The following HLA-DOA variants were observed in gnomAD, a reference collection of about 807,000 sequenced individuals.
HLA-DOA encodes the protein major histocompatibility complex, class II, DO alpha, also known as HLA class II histocompatibility antigen, DO alpha chain.
In HLA-DOA, 27 loss-of-function variants were observed where a neutral mutation model predicts 22.9. The ratio of observed to expected loss-of-function variants is 1.18; its 90% confidence interval spans 0.87 to 1.62. HLA-DOA has a LOEUF of 1.62. Among genes scored for constraint, HLA-DOA ranks in the 40% most tolerant of loss-of-function variants. The pLI, the probability that HLA-DOA is intolerant of heterozygous loss-of-function variation, is 0.00. For synonymous variants in HLA-DOA, 137 were observed against 138.6 expected (o/e 0.99, Z 0.08); for missense variants, 324 against 332.4 (o/e 0.97, Z 0.20).
intron 2 of HLA-DOA, chr6:33,007,802 G>A: frequency 1.2e-6 from 1 of 829,060 alleles, no homozygotes. Flanking sequence ...ACTGGTCCCT[G>A]GGCGGGAGTC....
chr6:33,006,611 C>G lies in HLA-DOA; in HGVS notation c.*227G>C. 1.5e-6 allele frequency: 1 copy of G among 656,916 alleles called. No individual in the cohort carries two copies. The highest frequency in any genetic ancestry group is 2.3e-5 in the Admixed American group (1 of 43,648). 40.7% of individuals were successfully genotyped at this position (656,916 alleles called of 1,614,324 possible). A position where few individuals can be genotyped will look rare whatever the true frequency, so the allele number is the denominator to read the frequency against. On this transcript the variant is annotated 3_prime_UTR_variant, in exon 5 of 5. Transcript: ENST00000229829. ...CTGCCAGCCAGAGCTTTGGGTAGAGCAAGAATGTGTGTGTGTGTTGAATGG... is the reference window on the plus strand; with the variant it reads ...CTGCCAGCCAGAGCTTTGGGTAGAGGAAGAATGTGTGTGTGTGTTGAATGG...
Position 33,006,797 on chromosome 6 carries a change from T to G in HLA-DOA, c.*41A>C. The G allele has an allele frequency of 2.5e-6, 4 of 1,613,022 alleles. No individual in the cohort carries two copies. The highest frequency in any genetic ancestry group is 3.4e-6 in the Non-Finnish European group (4 of 1,179,980). On this transcript the variant is annotated 3_prime_UTR_variant, in exon 5 of 5. Coordinates refer to ENST00000229829, the MANE Select transcript of HLA-DOA (RefSeq NM_002119.4). ...GGGCTGTCACAAACCCATGAGGATC[T>G]GCAGGGTGTCTCCCACAAGTCATTT...
rs1431241714 is a variant in HLA-DOA at position 33,008,165 on chromosome 6, A to C, written c.179T>G (p.Val60Gly). Residue 60 changes from valine to glycine, a missense_variant, in exon 2 of 5, where the codon GTG becomes GGG. Val to Gly is a moderately radical substitution (Grantham distance 109). Coordinates refer to ENST00000229829, the MANE Select transcript of HLA-DOA (RefSeq NM_002119.4). ...CACGGCCTCGCTTTTCTTCAGGTCC[A>C]CAGAGAACAGCTGTTCCTCATCAAA... ...HEFDEEQLFS[V>G]DLKKSEAVWR... 1 of 1,613,102 alleles carries C rather than the reference A, an allele frequency of 6.2e-7. No individual in the cohort carries two copies. Among genetic ancestry groups the C allele is most frequent in the Middle Eastern group, 1.6e-4 (1 of 6,062 alleles).
intron 1 of HLA-DOA, 103 bp from the exon 2 acceptor site, chr6:33,008,364 T>A (rs1038249034): frequency 6.6e-7 from 1 of 1,524,438 alleles, no homozygotes; most frequent in African/African-American, 1.4e-5. Context: ...CGTCCTGGGT[T>A]CTGTGTGGGG....
Position 33,007,412 on chromosome 6 carries a change from A to C in HLA-DOA, c.512T>G (p.Phe171Cys). The C allele has an allele frequency of 6.2e-7, 1 of 1,606,070 alleles. No individual in the cohort carries two copies. Among genetic ancestry groups the C allele is most frequent in the Non-Finnish European group, 8.5e-7 (1 of 1,175,844 alleles). Residue 171 changes from phenylalanine to cysteine, a missense_variant, in exon 3 of 5, where the codon TTC becomes TGC. Physicochemically the swap from Phe to Cys is radical, Grantham distance 205 (BLOSUM62 -2). Transcript: ENST00000229829. Reference sequence around the variant, plus strand: ...GAAGGGCAGGTAGTGGAACTTGCGGAACAAATGGTCAGGCTGGGAATAGAA... The same window carrying C: ...GAAGGGCAGGTAGTGGAACTTGCGGCACAAATGGTCAGGCTGGGAATAGAA... ...TSFYSQPDHL[F>C]RKFHYLPFVP... is the part of the protein sequence containing the mutation.
Position 33,006,711 on chromosome 6 carries a change from G to A in HLA-DOA, c.*127C>T, listed in dbSNP as rs767763942. 3 of 1,481,998 alleles carry A rather than the reference G, an allele frequency of 2.0e-6. No individual in the cohort carries two copies. The highest frequency in any genetic ancestry group is 2.8e-5 in the African/African-American group (2 of 72,578). The allele number at this position is 1,481,998 out of a possible 1,614,324, so 91.8% of individuals were successfully genotyped here. A position where few individuals can be genotyped will look rare whatever the true frequency, so the allele number is the denominator to read the frequency against. ...CAAAAAAGAGGGGACCCGTAGGACA[G>A]ATGTTGATCCCACTCAAAGTCAGCA... On this transcript the variant is annotated 3_prime_UTR_variant, in exon 5 of 5. Transcript: ENST00000229829.
rs761242552 is a variant in HLA-DOA, at chr6:33,007,347, G to T, written c.577C>A (p.His193Asn). ...AEDVYDCQVE[H>N]WGLDAPLLRH... is the part of the protein sequence containing the mutation. ...AGGAGTGGCGCATCCAGGCCCCAGTGCTCCACCTGGCAGTCATAGACGTCC... is the reference window on the plus strand; with the variant it reads ...AGGAGTGGCGCATCCAGGCCCCAGTTCTCCACCTGGCAGTCATAGACGTCC... Residue 193 changes from histidine (H) to asparagine (N), a missense_variant, in exon 3 of 5, where the codon CAC becomes AAC. Transcript: ENST00000229829. 6.2e-7 allele frequency: 1 copy of T among 1,611,010 alleles called. No individual in the cohort carries two copies. The highest frequency in any genetic ancestry group is 8.5e-7 in the Non-Finnish European group (1 of 1,178,660).
chr6:33,007,302 G>T lies in HLA-DOA; in HGVS notation c.613+9C>A, dbSNP rs1780853831. On this transcript the variant is annotated intron_variant, in intron 3 of 4. Transcript: ENST00000229829. Reference sequence around the variant, plus strand: ...GGCCAGGAGGGTGCATGGGGAGGGGGCTCCGTACCCCAATGCCTGAGGAGT... The same window carrying T: ...GGCCAGGAGGGTGCATGGGGAGGGGTCTCCGTACCCCAATGCCTGAGGAGT... 1 of 1,613,060 alleles carries T rather than the reference G, an allele frequency of 6.2e-7. No homozygotes were observed. Among genetic ancestry groups the T allele is most frequent in the South Asian group, 1.1e-5 (1 of 91,076 alleles).
rs1780740489 is a variant in HLA-DOA at position 33,004,648 on chromosome 6, G to A, written c.*2190C>T. 1 of 152,200 alleles carries A rather than the reference G, an allele frequency of 6.6e-6. No individual in the cohort carries two copies. The highest frequency in any genetic ancestry group is 2.4e-5 in the African/African-American group (1 of 41,432). The allele number at this position is 152,200 out of a possible 1,614,324, so 9.4% of individuals were successfully genotyped here. A position where few individuals can be genotyped will look rare whatever the true frequency, so the allele number is the denominator to read the frequency against. On this transcript the variant is annotated 3_prime_UTR_variant, in exon 5 of 5. Transcript: ENST00000229829. ...CCGCTAACATGCAGGGGGGTCTAGA[G>A]AACACAGACCATGTGGATCCGAGAG...
rs1015700411 is a variant in HLA-DOA, at chr6:33,009,120, C to G, written c.82+335G>C. ...ATACTGCAACAGAACTGGACTTGAT[C>G]GGGCACATTCCCGGCCAGGGGTGGT... On this transcript the variant is annotated intron_variant, in intron 1 of 4. Transcript: ENST00000229829. The surrounding 1 kb of genome is among the most constrained non-coding windows in gnomAD (Gnocchi z 4.8). Among the ~76,000 whole-genome samples, 3 of 152,132 alleles carry G rather than the reference C, an allele frequency of 2.0e-5. No homozygotes were observed. The highest frequency in any genetic ancestry group is 6.5e-5 in the Admixed American group (1 of 15,286).
chr6:33,006,523 C>A lies in HLA-DOA; in HGVS notation c.*315G>T. ...CAATCCCCAGCACCACATGCCTCAC[C>A]CCTGGAAGAACTGGCCAAGGCCTGG... On this transcript the variant is annotated 3_prime_UTR_variant, in exon 5 of 5. Transcript: ENST00000229829. 1.8e-6 allele frequency: 1 copy of A among 554,364 alleles called. No homozygotes were observed. 34.3% of individuals were successfully genotyped at this position (554,364 alleles called of 1,614,324 possible). A position where few individuals can be genotyped will look rare whatever the true frequency, so the allele number is the denominator to read the frequency against.
Position 33,004,802 on chromosome 6 carries a change from T to C in HLA-DOA, c.*2036A>G, listed in dbSNP as rs578105717. The C allele has an allele frequency of 6.6e-6, 1 of 152,298 alleles. No individual in the cohort carries two copies. The highest frequency in any genetic ancestry group is 1.5e-5 in the Non-Finnish European group (1 of 68,036). The allele number at this position is 152,298 out of a possible 1,614,324, so 9.4% of individuals were successfully genotyped here. A position where few individuals can be genotyped will look rare whatever the true frequency, so the allele number is the denominator to read the frequency against. On this transcript the variant is annotated 3_prime_UTR_variant, in exon 5 of 5. Coordinates refer to ENST00000229829, the MANE Select transcript of HLA-DOA (RefSeq NM_002119.4). ...GCTATATTGCAAATATCCTATACTT[T>C]GCATGTGATCACACAAAGAGGGTTT... is the stretch of plus-strand genomic sequence containing the variant.
intron 1 of HLA-DOA, chr6:33,008,487 G>T: frequency 8.1e-7 from 1 of 1,227,230 alleles, no homozygotes; most frequent in Non-Finnish European, 1.1e-6. Context: ...AGTGCAGTCT[G>T]GCATATCAGG....
chr6:33,007,746 G>T, intron 2 of HLA-DOA, 154 bp from the exon 3 acceptor site: 1 of 922,484 alleles, frequency 1.1e-6, no homozygotes, highest in Non-Finnish European at 1.6e-6. Flanking sequence ...AACAGAGGGA[G>T]AGGAGACTGG....
chr6:33,008,202 A>G lies in HLA-DOA; in HGVS notation c.142T>C (p.Phe48Leu), dbSNP rs1386596120. The change falls in exon 2 of 5, where the codon TTC (phenylalanine) becomes CTC (leucine). Residue 48 changes from phenylalanine (F) to leucine (L), a missense_variant. Coordinates refer to ENST00000229829, the MANE Select transcript of HLA-DOA (RefSeq NM_002119.4). ...FYQSYGASGQFTHEFDEEQLF... is the reference protein window; with the variant it reads ...FYQSYGASGQLTHEFDEEQLF... Reference sequence around the variant, plus strand: ...TGTTCCTCATCAAATTCATGGGTGAACTGGCCCGAGGCGCCGTAAGACTGG... The same window carrying G: ...TGTTCCTCATCAAATTCATGGGTGAGCTGGCCCGAGGCGCCGTAAGACTGG... 5 of 1,613,086 alleles carry G rather than the reference A, an allele frequency of 3.1e-6. No homozygotes were observed. The highest frequency in any genetic ancestry group is 4.2e-6 in the Non-Finnish European group (5 of 1,180,048).
chr6:33,008,795 C>A (rs6920363), intron 1 of HLA-DOA, among the ~76,000 whole-genome samples: 9,098 of 152,136 alleles, frequency 0.06, 634 homozygotes, highest in African/African-American at 0.17. Flanking sequence ...GAGCACTGGA[C>A]GAGGAGTCAG....
Position 33,004,598 on chromosome 6 carries a change from A to T in HLA-DOA, c.*2240T>A, listed in dbSNP as rs1334223803. The T allele has an allele frequency of 6.6e-6, 1 of 152,232 alleles. No individual in the cohort carries two copies. The highest frequency in any genetic ancestry group is 1.5e-5 in the Non-Finnish European group (1 of 68,082). 9.4% of individuals were successfully genotyped at this position (152,232 alleles called of 1,614,324 possible). ...CGGGTGGACATGTTCACTGAGAAGG[A>T]CAGTCAGTCCACAGAGAGAGAACAC... On this transcript the variant is annotated 3_prime_UTR_variant, in exon 5 of 5. Coordinates refer to ENST00000229829, the MANE Select transcript of HLA-DOA (RefSeq NM_002119.4).
chr6:33,004,832 T>C lies in HLA-DOA; in HGVS notation c.*2006A>G, dbSNP rs1195041079. ...GTGATCACACAAAGAGGGTTTCTGTTACTGGCACACAAAAAGTTTGCCTGA... is the reference window on the plus strand; with the variant it reads ...GTGATCACACAAAGAGGGTTTCTGTCACTGGCACACAAAAAGTTTGCCTGA... On this transcript the variant is annotated 3_prime_UTR_variant, in exon 5 of 5. Transcript: ENST00000229829. 2 of 152,286 alleles carry C rather than the reference T, an allele frequency of 1.3e-5. No homozygotes were observed. Among genetic ancestry groups the C allele is most frequent in the African/African-American group, 4.8e-5 (2 of 41,452 alleles). 9.4% of individuals were successfully genotyped at this position (152,286 alleles called of 1,614,324 possible).
rs770548200 is a variant in HLA-DOA, at chr6:33,007,067, G to C, written c.749+13C>G. On this transcript the variant is annotated intron_variant, in intron 4 of 4. Transcript: ENST00000229829. ...TTCCTCCCCCACCCCCCAGACTCCC[G>C]GGGCCTCTGCACCTGGGGACACTGG... 1.2e-6 allele frequency: 2 copies of C among 1,603,042 alleles called. No homozygotes were observed. The highest frequency in any genetic ancestry group is 2.2e-5 in the South Asian group (2 of 90,088).
Sources: gnomAD v4.1 joint callset for allele counts (sites outside exome capture counted in the v4.1 genomes callset) on GRCh38, gnomAD v4.1.1 for gene constraint, Gnocchi (gnomAD v3.1) non-coding constraint, MANE v1.5 for transcripts, NCBI Gene and HGNC (gene_info 2026-07-23, HGNC 2026-07-21) for gene names.